Variants in KIAA1217 observed in about 807,000 individuals in gnomAD.
The protein encoded by KIAA1217 is sickle tail protein homolog.
KIAA1217 carries 88 observed loss-of-function variants against 163.9 expected under a neutral mutation model. That is an observed-to-expected ratio of 0.54 (90% confidence interval 0.45 to 0.64). The LOEUF is 0.64. KIAA1217 is among the 30% of genes least tolerant of loss of function. KIAA1217 has a pLI of 0.00. For synonymous variants in KIAA1217, 903 were observed against 923.1 expected (o/e 0.98, Z 0.39); for missense variants, 2,372 against 2,475.0 (o/e 0.96, Z 0.88).
At chr10:23,972,418 A>T (rs1057027366) in intron 1 of KIAA1217, among the ~76,000 whole-genome samples, 1 of 152,048 alleles carries the variant, frequency 6.6e-6, no homozygotes, top group Non-Finnish European at 1.5e-5. Context: ...CACACCACAG[A>T]ATACTATGCA....
chr10:24,475,005 G>A (rs2063854382), intron 6 of KIAA1217, among the ~76,000 whole-genome samples: 1 of 152,156 alleles, frequency 6.6e-6, no homozygotes, highest in Non-Finnish European at 1.5e-5. Context: ...GATCACCTGA[G>A]CTCAGGAGTT....
chr10:24,111,243 C>G (rs1325679945), intron 2 of KIAA1217, among the ~76,000 whole-genome samples: 1 of 152,114 alleles, frequency 6.6e-6, no homozygotes, highest in East Asian at 1.9e-4. Context: ...GATTGTGTTA[C>G]AGTTTAATTA....
intron 2 of KIAA1217, among the ~76,000 whole-genome samples, chr10:24,309,457 C>A (rs2042429562): frequency 1.3e-5 from 2 of 152,152 alleles, no homozygotes. Flanking sequence ...ACCAAAGTCT[C>A]TGTAAAGACC....
intron 2 of KIAA1217, among the ~76,000 whole-genome samples, chr10:24,331,943 G>GC (rs1344867491): frequency 6.6e-6 from 1 of 152,132 alleles, no homozygotes; most frequent in African/African-American, 2.4e-5. Context: ...GGGATTACAG[G>GC]CGCGTGCCAC....
In KIAA1217 at chr10:24,198,285, C is replaced by T. The variant is rs992530709; in HGVS notation, c.-170-21341C>T. 6.6e-5 allele frequency among the ~76,000 whole-genome samples: 10 copies of T among 152,138 alleles called. No individual in the cohort carries two copies. In the East Asian group the frequency reaches 1.7e-3, roughly 26 times the overall value. On this transcript the variant is annotated intron_variant, in intron 2 of 18. Coordinates refer to the KIAA1217 transcript ENST00000376462. ...CTTTGGTGTTCAGGATTTCATTAAT[C>T]GGATTCTGACCTCAACATAAAATGG...
intron 1 of KIAA1217, among the ~76,000 whole-genome samples, chr10:23,841,204 T>G (rs1245043753): frequency 2.0e-5 from 3 of 152,154 alleles, no homozygotes; most frequent in African/African-American, 7.2e-5. Flanking sequence ...TATGAAAAAG[T>G]GATGTTTTCA....
At chr10:23,803,750 C>T (rs910990999) in intron 1 of KIAA1217, among the ~76,000 whole-genome samples, 1 of 152,160 alleles carries the variant, frequency 6.6e-6, no homozygotes, top group Non-Finnish European at 1.5e-5. Context: ...ATTAAGTAAA[C>T]TATTAGTGCC....
In KIAA1217 at chr10:24,280,577, G is replaced by C. The variant is rs934002306; in HGVS notation, c.354+60668G>C. On this transcript the variant is annotated intron_variant, in intron 2 of 20. Coordinates refer to ENST00000376454, the MANE Select transcript of KIAA1217 (RefSeq NM_019590.5). ...CTGTAATCCCAGCACTTTGGGAGGC[G>C]GAGGCGGGTGGATTGCGAGGTCAGG... Among the ~76,000 whole-genome samples, 104 of 152,070 alleles carry C rather than the reference G, an allele frequency of 6.8e-4. 2 individuals carry two copies. Among genetic ancestry groups the C allele is most frequent in the African/African-American group, 2.4e-3 (98 of 41,478 alleles).
chr10:24,405,844 T>G (rs2057151027), intron 3 of KIAA1217, among the ~76,000 whole-genome samples: 1 of 152,214 alleles, frequency 6.6e-6, no homozygotes, highest in African/African-American at 2.4e-5. Flanking sequence ...GCATATGTGC[T>G]TTTAACCTCC....
rs922737487 is a variant in KIAA1217, at chr10:24,502,000, C to T, written c.2001+455C>T. On this transcript the variant is annotated intron_variant, in intron 9 of 20. Transcript: ENST00000376454. Reference sequence around the variant, plus strand: ...TCCTGACCTCGTGATCCACCTGCCTCGGCCTCCCAAAGTGCTGGGATTACA... The same window carrying T: ...TCCTGACCTCGTGATCCACCTGCCTTGGCCTCCCAAAGTGCTGGGATTACA... Among the ~76,000 whole-genome samples the T allele has an allele frequency of 8.5e-5, 13 of 152,052 alleles. No individual in the cohort carries two copies. In the East Asian group the frequency reaches 1.9e-3, roughly 23 times the overall value.
chr10:24,160,545 T>C (rs992537649), intron 2 of KIAA1217, among the ~76,000 whole-genome samples: 1 of 152,184 alleles, frequency 6.6e-6, no homozygotes, highest in South Asian at 2.1e-4. Flanking sequence ...TACTTCAAAC[T>C]TGAATGCTGT....
intron 1 of KIAA1217, among the ~76,000 whole-genome samples, chr10:23,737,649 AGTACACATAT>A (rs1306677870): frequency 5.9e-5 from 9 of 152,236 alleles, no homozygotes; most frequent in African/African-American, 1.9e-4. Flanking sequence ...AATAAAAAAT[AGTACACATAT>A]TAAAAAAGAT....
At chr10:24,320,098 A>G (rs777323506) in intron 2 of KIAA1217, among the ~76,000 whole-genome samples, 2 of 152,230 alleles carry the variant, frequency 1.3e-5, no homozygotes, top group Non-Finnish European at 2.9e-5. Flanking sequence ...TATATGTATG[A>G]TATGAAATGC....
At chr10:24,308,226 G>A (rs1564444695) in intron 2 of KIAA1217, among the ~76,000 whole-genome samples, 1 of 152,268 alleles carries the variant, frequency 6.6e-6, no homozygotes, top group Middle Eastern at 3.4e-3. Context: ...AGCCTCCTGT[G>A]CTAACTGATA....
Position 23,749,400 on chromosome 10 carries a change from C to G in KIAA1217, c.-321+54166C>G, listed in dbSNP as rs997626377. On this transcript the variant is annotated intron_variant, in intron 1 of 18. Transcript: ENST00000376462. ...TTACCCATTTCTAAATGTTGGTGTCCCTTAATGTTTAGTCTTTTGCTTTTT... is the reference window on the plus strand; with the variant it reads ...TTACCCATTTCTAAATGTTGGTGTCGCTTAATGTTTAGTCTTTTGCTTTTT... Among the ~76,000 whole-genome samples, 5 of 152,156 alleles carry G rather than the reference C, an allele frequency of 3.3e-5. No individual in the cohort carries two copies. The East Asian group carries it at 9.6e-4, about 29-fold the overall frequency.
At chr10:24,278,516 G>A (rs1424700467) in intron 2 of KIAA1217, among the ~76,000 whole-genome samples, 3 of 152,186 alleles carry the variant, frequency 2.0e-5, no homozygotes, top group African/African-American at 7.2e-5. Context: ...GTGGCAAGTG[G>A]CAGACACAAT....
chr10:23,762,019 T>C (rs991280272), intron 1 of KIAA1217, among the ~76,000 whole-genome samples: 4 of 152,094 alleles, frequency 2.6e-5, no homozygotes, highest in African/African-American at 9.7e-5. Flanking sequence ...ATGGATAAAT[T>C]CCTGGACACA....
chr10:24,457,412 C>G (rs749515625), intron 5 of KIAA1217, among the ~76,000 whole-genome samples: 1 of 151,460 alleles, frequency 6.6e-6, no homozygotes, highest in African/African-American at 2.4e-5. Context: ...CGTATTCTGT[C>G]ACCCAGGCTG....
chr10:24,058,806 G>T (rs891817647), intron 2 of KIAA1217, among the ~76,000 whole-genome samples: 28 of 152,006 alleles, frequency 1.8e-4, no homozygotes, highest in African/African-American at 6.0e-4. Context: ...ATTTTCTAAG[G>T]GTGTGTTAGG....
Sources: allele counts gnomAD v4.1 joint callset (sites outside exome capture counted in the v4.1 genomes callset), GRCh38; gene constraint gnomAD v4.1.1; transcripts MANE v1.5; gene names NCBI Gene and HGNC (gene_info 2026-07-23, HGNC 2026-07-21).